The following ESRRG variants were observed in gnomAD, a reference collection of about 807,000 sequenced individuals.
The protein encoded by ESRRG is estrogen related receptor gamma, also known as estrogen-related receptor gamma.
In ESRRG, 13 loss-of-function variants were observed where a neutral mutation model predicts 44.0. The observed-to-expected ratio is 0.30, with a 90% CI of 0.19 to 0.47. The LOEUF (loss-of-function observed/expected upper bound fraction) is 0.47, where lower values mean the gene tolerates loss of function less well. Among genes scored for constraint, ESRRG ranks in the 20% least tolerant of loss-of-function variants. The pLI is 1.00. For synonymous variants in ESRRG, 215 were observed against 214.6 expected (o/e 1.00, Z -0.02); for missense variants, 395 against 580.6 (o/e 0.68, Z 3.29).
At chr1:217,093,133 A>G (rs973696641), upstream of ESRRG, among the ~76,000 whole-genome samples, 1 of 152,198 alleles carries the variant, frequency 6.6e-6, no homozygotes, top group Admixed American at 6.5e-5. Flanking sequence ...ATTTAAAAGG[A>G]AAGGAAAACA....
At chr1:216,796,574 A>G (rs1057014733) in intron 2 of ESRRG, among the ~76,000 whole-genome samples, 2 of 152,184 alleles carry the variant, frequency 1.3e-5, no homozygotes, top group African/African-American at 2.4e-5. Flanking sequence ...ATAAATACAC[A>G]GTCTTCCAAA....
upstream of ESRRG, among the ~76,000 whole-genome samples, chr1:216,726,286 A>G (rs2087504567): frequency 6.6e-6 from 1 of 152,166 alleles, no homozygotes; most frequent in African/African-American, 2.4e-5. Context: ...AAGGACCTAA[A>G]GACTGTACTT....
At chr1:216,964,227 C>T (rs1227906678) in intron 1 of ESRRG, among the ~76,000 whole-genome samples, 3 of 152,096 alleles carry the variant, frequency 2.0e-5, no homozygotes, top group Non-Finnish European at 2.9e-5. Flanking sequence ...AAGTCACTGG[C>T]ACAAAGTAAA....
At chr1:216,539,315 C>A (rs1473249559) in intron 5 of ESRRG, among the ~76,000 whole-genome samples, 5 of 151,462 alleles carry the variant, frequency 3.3e-5, no homozygotes, top group Admixed American at 1.3e-4. Flanking sequence ...ATATATAAGC[C>A]TTTAGTAAGA....
intron 2 of ESRRG, among the ~76,000 whole-genome samples, chr1:216,828,339 A>G (rs1456765156): frequency 6.6e-6 from 1 of 152,140 alleles, no homozygotes; most frequent in Non-Finnish European, 1.5e-5. Context: ...ACCTTAATGC[A>G]TGGATTTATT....
intron 3 of ESRRG, among the ~76,000 whole-genome samples, chr1:216,624,820 G>A (rs574898938): frequency 7.2e-5 from 11 of 152,096 alleles, no homozygotes; most frequent in Non-Finnish European, 1.5e-4. Context: ...TATAAGTTCA[G>A]TACTTATCAG....
intron 2 of ESRRG, among the ~76,000 whole-genome samples, chr1:216,757,571 C>T (rs917174303): frequency 7.2e-5 from 11 of 152,018 alleles, no homozygotes; most frequent in Non-Finnish European, 1.5e-5. Flanking sequence ...ATTTTACCCA[C>T]ATCCACACTC....
chr1:216,691,488 T>C (rs1421631787), intron 1 of ESRRG, among the ~76,000 whole-genome samples: 2 of 152,204 alleles, frequency 1.3e-5, no homozygotes, highest in African/African-American at 4.8e-5. Flanking sequence ...ATGACTTTCC[T>C]TAGCAGGAAA....
At chr1:216,534,069 A>G (rs1558320610) in intron 5 of ESRRG, among the ~76,000 whole-genome samples, 1 of 152,132 alleles carries the variant, frequency 6.6e-6, no homozygotes, top group Non-Finnish European at 1.5e-5. Flanking sequence ...GAAGCCATAG[A>G]TAAAGATAAA....
At chr1:216,877,848 C>T (rs553994457) in intron 2 of ESRRG, among the ~76,000 whole-genome samples, 14 of 152,322 alleles carry the variant, frequency 9.2e-5, no homozygotes, top group African/African-American at 2.9e-4. Flanking sequence ...ACCTAGACCA[C>T]TACTTCTAAC....
intron 2 of ESRRG, among the ~76,000 whole-genome samples, chr1:216,786,831 G>A (rs1184009765): frequency 1.3e-5 from 2 of 152,074 alleles, no homozygotes; most frequent in African/African-American, 4.8e-5. Flanking sequence ...CACACTAAGT[G>A]TCTAAGACTC....
chr1:216,991,809 A>G (rs2075756077), intron 1 of ESRRG, among the ~76,000 whole-genome samples: 1 of 152,190 alleles, frequency 6.6e-6, no homozygotes, highest in Non-Finnish European at 1.5e-5. Flanking sequence ...TCCCAATGTA[A>G]ACTATACATT....
chr1:216,955,838 T>C (rs1010951410), intron 1 of ESRRG, among the ~76,000 whole-genome samples: 3 of 152,178 alleles, frequency 2.0e-5, no homozygotes, highest in East Asian at 1.9e-4. Flanking sequence ...TGGCTATTTG[T>C]ACATCTTCTT....
Position 216,921,521 on chromosome 1 carries a change from C to T in ESRRG, c.-14+18061G>A, listed in dbSNP as rs12058456. Among the ~76,000 whole-genome samples, 647 of 152,278 alleles carry T rather than the reference C, an allele frequency of 4.2e-3. 4 individuals carry two copies. The highest frequency in any genetic ancestry group is 0.015 in the African/African-American group (622 of 41,552). On this transcript the variant is annotated intron_variant, in intron 2 of 7. Transcript: ENST00000359162. ...AACTCTGAAGCCCCCAACCCTCCTACGGCACTCTGGTGACAGCCTCTGCAC... is the reference window on the plus strand; with the variant it reads ...AACTCTGAAGCCCCCAACCCTCCTATGGCACTCTGGTGACAGCCTCTGCAC...
intron 2 of ESRRG, among the ~76,000 whole-genome samples, chr1:216,934,290 C>T (rs898171757): frequency 5.3e-5 from 8 of 151,978 alleles, no homozygotes; most frequent in African/African-American, 1.4e-4. Flanking sequence ...AAAAATTAGC[C>T]GGACGTGGTG....
intron 3 of ESRRG, among the ~76,000 whole-genome samples, chr1:216,586,288 G>T (rs116017488): frequency 1.3e-5 from 2 of 151,928 alleles, no homozygotes; most frequent in Non-Finnish European, 2.9e-5. Context: ...TAAGACGCTG[G>T]AATAAAACTT....
chr1:216,594,695 ACACCATTAT>A (rs2058185541), intron 3 of ESRRG, among the ~76,000 whole-genome samples: 1 of 152,194 alleles, frequency 6.6e-6, no homozygotes, highest in African/African-American at 2.4e-5. Context: ...TAGTTCATTA[ACACCATTAT>A]CACCTTCCTC....
chr1:216,611,475 C>CT (rs905676987), intron 3 of ESRRG, among the ~76,000 whole-genome samples: 2 of 152,132 alleles, frequency 1.3e-5, no homozygotes, highest in Admixed American at 6.5e-5. Flanking sequence ...TATAAACACA[C>CT]TCATGCACTC....
intron 2 of ESRRG, among the ~76,000 whole-genome samples, chr1:216,880,033 C>T (rs1395754698): frequency 6.6e-6 from 1 of 151,868 alleles, no homozygotes; most frequent in East Asian, 1.9e-4. Context: ...CTAGGCTGGG[C>T]ATGGTGGCTC....
Sources: gnomAD v4.1 joint callset for allele counts (sites outside exome capture counted in the v4.1 genomes callset) on GRCh38, gnomAD v4.1.1 for gene constraint, MANE v1.5 for transcripts, NCBI Gene and HGNC (gene_info 2026-07-23, HGNC 2026-07-21) for gene names.